Variants in ACVR1C observed in about 807,000 individuals in gnomAD.
The protein encoded by ACVR1C is activin A receptor type 1C.
In ACVR1C, 23 loss-of-function variants were observed where a neutral mutation model predicts 57.9. That is an observed-to-expected ratio of 0.40 (90% CI 0.29 to 0.56). ACVR1C has a LOEUF of 0.56. ACVR1C is among the 20% of genes least tolerant of loss of function. The pLI is 0.50. For missense variants in ACVR1C, 480 were observed against 607.9 expected, an observed-to-expected ratio of 0.79 and a Z score of 2.21; for synonymous variants, 214 against 215.3, an observed-to-expected ratio of 0.99 and a Z score of 0.05.
At chr2:157,588,758 C>G (rs1250575984) in intron 1 of ACVR1C, among the ~76,000 whole-genome samples, 2 of 149,142 alleles carry the variant, frequency 1.3e-5, no homozygotes, top group African/African-American at 4.9e-5. Flanking sequence ...GAAGTCGCTG[C>G]AAGAGACTAT....
chr2:157,613,840 C>A (rs1371855950), intron 1 of ACVR1C, among the ~76,000 whole-genome samples: 46 of 152,042 alleles, frequency 3.0e-4, no homozygotes, highest in Admixed American at 3.0e-3. Flanking sequence ...ATGTCTTTAC[C>A]TAGTTTAGGT....
chr2:157,605,127 A>G (rs1360326743), intron 1 of ACVR1C, among the ~76,000 whole-genome samples: 3 of 151,696 alleles, frequency 2.0e-5, no homozygotes, highest in African/African-American at 7.2e-5. Context: ...GTACCCATGT[A>G]ATTTGTTGAA....
chr2:157,565,781 A>G (rs1201493629), intron 2 of ACVR1C, among the ~76,000 whole-genome samples: 1 of 152,192 alleles, frequency 6.6e-6, no homozygotes, highest in Non-Finnish European at 1.5e-5. Flanking sequence ...TGCCACACAC[A>G]AAAATATTTC....
chr2:157,550,646 A>G (rs1259845702), intron 3 of ACVR1C, among the ~76,000 whole-genome samples: 4 of 152,150 alleles, frequency 2.6e-5, no homozygotes, highest in Non-Finnish European at 5.9e-5. Flanking sequence ...GCCTGCTGCT[A>G]CAGATATCTG....
rs1689068040 is a variant in ACVR1C, at chr2:157,592,351, C to A, written c.74-4934G>T. ...GGATACTCACTGAATGTTTCACAAGCTATAAAAATTTATCCTGGTTAAAAG... is the reference window on the plus strand; with the variant it reads ...GGATACTCACTGAATGTTTCACAAGATATAAAAATTTATCCTGGTTAAAAG... On this transcript the variant is annotated intron_variant, in intron 1 of 8. Coordinates refer to ENST00000243349, the MANE Select transcript of ACVR1C (RefSeq NM_145259.3). Among the ~76,000 whole-genome samples, 3 of 152,074 alleles carry A rather than the reference C, an allele frequency of 2.0e-5. No homozygotes were observed. The South Asian group carries it at 6.2e-4, about 32-fold the overall frequency.
intron 2 of ACVR1C, among the ~76,000 whole-genome samples, chr2:157,562,249 C>T (rs1031069508): frequency 1.7e-4 from 26 of 149,624 alleles, no homozygotes; most frequent in African/African-American, 5.4e-4. Context: ...GAGCTGAAAT[C>T]GCGCCACTGC....
rs546246235 is a variant in ACVR1C, at chr2:157,538,558, A to C, written c.1356+15T>G. 5 of 1,540,626 alleles carry C rather than the reference A, an allele frequency of 3.2e-6. No homozygotes were observed. The South Asian group carries it at 6.6e-5, about 20-fold the overall frequency. On this transcript the variant is annotated intron_variant, in intron 8 of 8. Transcript: ENST00000243349. ...AAATATAATAAGAAAAATATAGATAAAAACATGGCCTTACTTCACAACTTT... is the reference window on the plus strand; with the variant it reads ...AAATATAATAAGAAAAATATAGATACAAACATGGCCTTACTTCACAACTTT...
intron 1 of ACVR1C, among the ~76,000 whole-genome samples, chr2:157,608,111 G>A (rs944816480): frequency 6.6e-6 from 1 of 151,814 alleles, no homozygotes; most frequent in Admixed American, 6.6e-5. Flanking sequence ...TATGATGTTA[G>A]ATGTTGGTTT....
chr2:157,555,002 A>AAAAAAAT (rs1174173350), intron 3 of ACVR1C, among the ~76,000 whole-genome samples: 3 of 150,240 alleles, frequency 2.0e-5, no homozygotes, highest in African/African-American at 7.5e-5. Context: ...GCCAAAAGAT[A>AAAAAAAT]AAAAAATAAA....
At chr2:157,549,476 T>C (rs911176409) in intron 4 of ACVR1C, among the ~76,000 whole-genome samples, 7 of 152,026 alleles carry the variant, frequency 4.6e-5, no homozygotes, top group Non-Finnish European at 8.8e-5. Flanking sequence ...CGTGGCAGAG[T>C]TCTCCAGGAT....
intron 2 of ACVR1C, among the ~76,000 whole-genome samples, chr2:157,572,407 T>C (rs971381682): frequency 2.8e-4 from 42 of 150,772 alleles, no homozygotes; most frequent in African/African-American, 1.0e-3. Context: ...TATGCTAGCA[T>C]AACTTCTCCA....
chr2:157,614,815 T>C (rs960958123), intron 1 of ACVR1C, among the ~76,000 whole-genome samples: 4 of 152,208 alleles, frequency 2.6e-5, no homozygotes, highest in Admixed American at 6.5e-5. Flanking sequence ...AGCTTTCTTA[T>C]AGTTAGTGTG....
intron 1 of ACVR1C, among the ~76,000 whole-genome samples, chr2:157,621,454 T>G (rs1682769386): frequency 6.6e-6 from 1 of 152,120 alleles, no homozygotes; most frequent in Non-Finnish European, 1.5e-5. Flanking sequence ...ACTGGATCCC[T>G]AAGTAGGAGG....
At chr2:157,587,758 A>G (rs1396786853) in intron 1 of ACVR1C, among the ~76,000 whole-genome samples, 1 of 152,028 alleles carries the variant, frequency 6.6e-6, no homozygotes, top group African/African-American at 2.4e-5. Flanking sequence ...AAACAGTATC[A>G]CAGCAACCAA....
intron 2 of ACVR1C, among the ~76,000 whole-genome samples, chr2:157,558,971 T>G (rs1418692654): frequency 6.6e-6 from 1 of 152,212 alleles, no homozygotes; most frequent in Non-Finnish European, 1.5e-5. Flanking sequence ...AATACACAAT[T>G]CCACTACTGA....
At chr2:157,554,403 ATGAAGGAAGGAAG>A (rs1377279789) in intron 3 of ACVR1C, among the ~76,000 whole-genome samples, 1 of 151,088 alleles carries the variant, frequency 6.6e-6, no homozygotes, top group Non-Finnish European at 1.5e-5. Context: ...AAGGAAGGAG[ATGAAGGAAGGAAG>A]GAGACAAAGG....
rs368757396 is a variant in ACVR1C at position 157,554,908 on chromosome 2, G to GAT, written c.544+1183_544+1184dup. On this transcript the variant is annotated intron_variant, in intron 3 of 8. Transcript: ENST00000243349. Reference sequence around the variant, plus strand: ...AAACCATGAGCTGGCAGGATTTCTGGATATATATATATATGGAATCCCCTA... The same window carrying GAT: ...AAACCATGAGCTGGCAGGATTTCTGGATATATATATATATATGGAATCCCCTA... 7.8e-3 allele frequency among the ~76,000 whole-genome samples: 1,168 copies of GAT among 150,042 alleles called. 11 individuals carry two copies. Among genetic ancestry groups the GAT allele is most frequent in the African/African-American group, 0.022 (918 of 40,854 alleles).
intron 2 of ACVR1C, among the ~76,000 whole-genome samples, chr2:157,564,974 G>A (rs1688327679): frequency 6.6e-6 from 1 of 152,144 alleles, no homozygotes; most frequent in South Asian, 2.1e-4. Flanking sequence ...GAGGGTAATG[G>A]GAGGGAGAGC....
intron 4 of ACVR1C, among the ~76,000 whole-genome samples, chr2:157,545,970 CG>C (rs1158575371): frequency 3.9e-5 from 6 of 152,068 alleles, no homozygotes; most frequent in African/African-American, 1.4e-4. Context: ...TTAGTAGAAA[CG>C]GGGTTTCACC....
Sources: gnomAD v4.1 joint callset for allele counts (sites outside exome capture counted in the v4.1 genomes callset) on GRCh38, gnomAD v4.1.1 for gene constraint, MANE v1.5 for transcripts, NCBI Gene and HGNC (gene_info 2026-07-23, HGNC 2026-07-21) for gene names.